The following TOX2 variants were observed in gnomAD, a reference collection of about 807,000 sequenced individuals.
TOX2 encodes granulosa cell HMG box 1.
In TOX2, 15 loss-of-function variants were observed where a neutral mutation model predicts 47.4. The observed-to-expected ratio is 0.32, with a 90% CI of 0.21 to 0.49. TOX2 has a LOEUF of 0.49. Ranked by LOEUF, TOX2 falls within the 20% of genes least tolerant of loss-of-function variation. TOX2 has a pLI of 0.99. For synonymous variants in TOX2, 290 were observed against 296.6 expected (o/e 0.98, Z 0.23); for missense variants, 622 against 673.1 (o/e 0.92, Z 0.84).
chr20:43,968,574 G>A lies in TOX2; in HGVS notation c.100-4793G>A, dbSNP rs1007970282. Among the ~76,000 whole-genome samples the A allele has an allele frequency of 3.9e-5, 6 of 152,128 alleles. 1 individual carries two copies. The highest frequency in any genetic ancestry group is 4.1e-4 in the South Asian group (2 of 4,822). On this transcript the variant is annotated intron_variant, in intron 1 of 8. Coordinates refer to ENST00000341197, the MANE Select transcript of TOX2 (RefSeq NM_001098797.2). ...AGAAGCCCCTGTAAGCTGTGTCCCC[G>A]GTGGCCGTCATGAAAGGGTTATCCC...
rs527755736 is a variant in TOX2, at chr20:43,916,238, G to GC, written c.99+1254dup. On this transcript the variant is annotated intron_variant, in intron 1 of 8. Transcript: ENST00000341197. The surrounding 1 kb of genome is among the most constrained non-coding windows in gnomAD (Gnocchi z 5.0). ...GTGCGCGTCCAGTGGCTGGATCGGCGCCCCCCAGGGTCTCTCCCCAACCTC... is the reference window on the plus strand; with the variant it reads ...GTGCGCGTCCAGTGGCTGGATCGGCGCCCCCCCAGGGTCTCTCCCCAACCTC... 69 of 985,124 alleles carry GC rather than the reference G, an allele frequency of 7.0e-5. No individual in the cohort carries two copies. In the Admixed American group the frequency reaches 9.2e-4, roughly 13 times the overall value. 61.0% of individuals were successfully genotyped at this position (985,124 alleles called of 1,614,324 possible).
At chr20:43,981,449 TTAAA>T (rs1337918013) in intron 2 of TOX2, among the ~76,000 whole-genome samples, 1 of 152,222 alleles carries the variant, frequency 6.6e-6, no homozygotes, top group African/African-American at 2.4e-5. Context: ...TTGCATTTGA[TTAAA>T]TAACCTTGGA....
chr20:44,051,325 C>T lies in TOX2; in HGVS notation c.431C>T (p.Ser144Leu), dbSNP rs746805364. 8 of 1,611,250 alleles carry T rather than the reference C, an allele frequency of 5.0e-6. No individual in the cohort carries two copies. The highest frequency in any genetic ancestry group is 2.7e-5 in the African/African-American group (2 of 74,882). ...QLPTIQEMVH[S>L]EVAAYDSGRP... ...TCTTAGATCCAGGAGATGGTCCACT[C>T]GGAAGTGGCTGCCTATGACTCGGGC... The change falls in exon 4 of 9, where the codon TCG (serine) becomes TTG (leucine). Residue 144 changes from serine (S) to leucine (L), a missense_variant. Ser to Leu is a moderately radical substitution (Grantham distance 145, BLOSUM62 -2). Transcript: ENST00000341197.
intron 6 of TOX2, 87 bp downstream of exon 6, chr20:44,064,944 CGGCA>C: frequency 1.6e-6 from 2 of 1,271,726 alleles, no homozygotes; most frequent in Non-Finnish European, 2.3e-6. Flanking sequence ...TGGGAAGGGC[CGGCA>C]CCCCAGGTCT....
At chr20:43,981,778 G>A (rs1201215927) in intron 2 of TOX2, among the ~76,000 whole-genome samples, 1 of 152,270 alleles carries the variant, frequency 6.6e-6, no homozygotes, top group Middle Eastern at 3.4e-3. Flanking sequence ...CAGTTTTGAT[G>A]TGCAGGGTCA....
chr20:43,988,515 A>G (rs1390369935), intron 2 of TOX2, among the ~76,000 whole-genome samples: 3 of 152,246 alleles, frequency 2.0e-5, no homozygotes, highest in Non-Finnish European at 4.4e-5. Flanking sequence ...AAATGGAGAT[A>G]ATAAATCACC....
intron 8 of TOX2, 90 bp downstream of exon 8, chr20:44,066,947 G>C: frequency 6.5e-7 from 1 of 1,532,768 alleles, no homozygotes. Flanking sequence ...CAAGGGCAAC[G>C]TGGACAGGGG....
chr20:44,056,022 G>A (rs1385229310), intron 5 of TOX2, among the ~76,000 whole-genome samples: 2 of 152,314 alleles, frequency 1.3e-5, no homozygotes, highest in East Asian at 3.9e-4. Flanking sequence ...AGCCAGGAAA[G>A]GGCACATTGT....
intron 3 of TOX2, among the ~76,000 whole-genome samples, chr20:44,041,739 G>A (rs1194406493): frequency 2.0e-5 from 3 of 152,128 alleles, no homozygotes; most frequent in South Asian, 2.1e-4. Context: ...TTCCTGAATC[G>A]CATCCAGTTC....
At position 44,068,940 on chromosome 20, in the gene TOX2, T is replaced by C. The variant is rs1348302656; in HGVS notation, c.*254T>C. The C allele has an allele frequency of 1.5e-6, 1 of 654,368 alleles. No individual in the cohort carries two copies. The highest frequency in any genetic ancestry group is 2.9e-6 in the Non-Finnish European group (1 of 349,620). The allele number at this position is 654,368 out of a possible 1,614,324, so 40.5% of individuals were successfully genotyped here. On this transcript the variant is annotated 3_prime_UTR_variant, in exon 9 of 9. Transcript: ENST00000341197. ...TGACCTGCTTGCTCCAGGGTAACTG[T>C]GGACCCTGTCCTCGCCCTGCGCACG... is the stretch of plus-strand genomic sequence containing the variant.
At chr20:43,975,965 G>A (rs144017972) in intron 2 of TOX2, among the ~76,000 whole-genome samples, 24 of 152,284 alleles carry the variant, frequency 1.6e-4, no homozygotes, top group Non-Finnish European at 3.2e-4. Flanking sequence ...TGGACTTCCT[G>A]AGGGTCCTTC....
At chr20:44,065,679 G>A (rs761196074) in intron 6 of TOX2, 33 bp from the exon 7 acceptor site, 27 of 1,548,778 alleles carry the variant, frequency 1.7e-5, no homozygotes, top group Non-Finnish European at 2.2e-5. Context: ...TCCCTCTTCT[G>A]TTCTCCAGTG....
chr20:44,026,228 G>GATATATATAGATATATATATAT (rs2071060195), intron 3 of TOX2, among the ~76,000 whole-genome samples: 1 of 60,244 alleles, frequency 1.7e-5, no homozygotes, highest in Non-Finnish European at 3.1e-5. Context: ...AAGAAACTGT[G>GATATATATAGATATATATATAT]ATATATATAT....
intron 2 of TOX2, among the ~76,000 whole-genome samples, chr20:43,998,966 G>T (rs2070529569): frequency 6.6e-6 from 1 of 152,050 alleles, no homozygotes; most frequent in Non-Finnish European, 1.5e-5. Flanking sequence ...CACCATATTG[G>T]CCAGGCTCAT....
chr20:44,045,606 G>T, intron 3 of TOX2, among the ~76,000 whole-genome samples: 1 of 152,290 alleles, frequency 6.6e-6, no homozygotes, highest in Non-Finnish European at 1.5e-5. Context: ...GTTTTCTAAA[G>T]TGTTTTACAT....
intron 2 of TOX2, among the ~76,000 whole-genome samples, chr20:43,990,858 T>G (rs751936878): frequency 2.5e-4 from 38 of 152,038 alleles, no homozygotes; most frequent in Non-Finnish European, 5.1e-4. Flanking sequence ...TGTGGCACAT[T>G]TTTAGGCAAT....
At chr20:43,999,443 A>G (rs1422218776) in intron 2 of TOX2, among the ~76,000 whole-genome samples, 1 of 152,176 alleles carries the variant, frequency 6.6e-6, no homozygotes, top group Non-Finnish European at 1.5e-5. Context: ...CCAACAATGA[A>G]CAACCCATAA....
At position 44,021,391 on chromosome 20, in the gene TOX2, G is replaced by A. The variant is rs757929679; in HGVS notation, c.411+14599G>A. 2.0e-4 allele frequency among the ~76,000 whole-genome samples: 31 copies of A among 152,092 alleles called. 1 individual carries two copies. The highest frequency in any genetic ancestry group is 6.0e-4 in the African/African-American group (25 of 41,400). On this transcript the variant is annotated intron_variant, in intron 3 of 8. Transcript: ENST00000341197. ...ACAGCAAATTATGGGGCCGTAAGCCGAGATTCTAAGACTGAAGGATCAGCC... is the reference window on the plus strand; with the variant it reads ...ACAGCAAATTATGGGGCCGTAAGCCAAGATTCTAAGACTGAAGGATCAGCC...
intron 1 of TOX2, among the ~76,000 whole-genome samples, chr20:43,972,499 T>C (rs1569049006): frequency 6.6e-6 from 1 of 152,182 alleles, no homozygotes; most frequent in East Asian, 1.9e-4. Context: ...CTATCTAAGA[T>C]ACCTAGCTTA....
Sources: allele counts gnomAD v4.1 joint callset (sites outside exome capture counted in the v4.1 genomes callset), GRCh38; gene constraint gnomAD v4.1.1; non-coding constraint Gnocchi (gnomAD v3.1); transcripts MANE v1.5; gene names NCBI Gene and HGNC (gene_info 2026-07-23, HGNC 2026-07-21).